Variants in NIT2 observed in about 807,000 individuals in gnomAD.
The protein encoded by NIT2 is nitrilase family member 2.
In NIT2, 46 loss-of-function variants were observed where a neutral mutation model predicts 42.7. The observed-to-expected ratio is 1.08, with a 90% confidence interval of 0.85 to 1.38. NIT2 has a LOEUF of 1.38. Among genes scored for constraint, NIT2 ranks in the 40% most tolerant of loss-of-function variants. The pLI, the probability that NIT2 is intolerant of heterozygous loss-of-function variation, is 0.00. For missense variants in NIT2, 309 were observed against 342.5 expected (o/e 0.90, Z 0.77); for synonymous variants, 123 against 121.9 (o/e 1.01, Z -0.06).
intron 6 of NIT2, among the ~76,000 whole-genome samples, chr3:100,347,239 G>A (rs1706227097): frequency 6.6e-6 from 1 of 151,962 alleles, no homozygotes; most frequent in South Asian, 2.1e-4. Flanking sequence ...GGGATTACAG[G>A]TGCCCACCAC....
intron 6 of NIT2, 123 bp from the exon 7 acceptor site, chr3:100,348,680 C>G (rs763709698): frequency 3.4e-5 from 24 of 700,152 alleles, no homozygotes; most frequent in Non-Finnish European, 5.4e-5. Flanking sequence ...TCTGACTTGG[C>G]TGACATCTTT....
intron 7 of NIT2, chr3:100,349,662 T>C (rs995206685): frequency 2.0e-5 from 3 of 152,302 alleles, no homozygotes; most frequent in African/African-American, 7.2e-5. Flanking sequence ...ATCAGGATGC[T>C]TATCCTACCC....
At chr3:100,349,128 T>C in intron 7 of NIT2, 1 of 356,738 alleles carries the variant, frequency 2.8e-6, no homozygotes, top group Non-Finnish European at 5.3e-6. Flanking sequence ...TTTTTTTTTC[T>C]TTTTAAGAGA....
intron 6 of NIT2, 116 bp from the exon 7 acceptor site, chr3:100,348,687 C>G (rs1278276802): frequency 1.1e-5 from 8 of 754,450 alleles, no homozygotes; most frequent in Non-Finnish European, 1.8e-5. Flanking sequence ...TGGCTGACAT[C>G]TTTTTATGTT....
chr3:100,345,469 C>G (rs942203261), intron 4 of NIT2, 116 bp from the exon 5 acceptor site: 3 of 681,076 alleles, frequency 4.4e-6, no homozygotes, highest in Non-Finnish European at 7.8e-6. Flanking sequence ...TTTGGGGGTG[C>G]TGTTTGTATA....
intron 6 of NIT2, among the ~76,000 whole-genome samples, chr3:100,348,291 A>G (rs1706238251): frequency 6.6e-6 from 1 of 152,164 alleles, no homozygotes. Flanking sequence ...TTCACCAAAT[A>G]CGGGTGTTCC....
At position 100,339,799 on chromosome 3, in the gene NIT2, G is replaced by T. The variant is rs568994200; in HGVS notation, c.127-16G>T. The T allele has an allele frequency of 2.5e-6, 4 of 1,590,656 alleles. No individual in the cohort carries two copies. The highest frequency in any genetic ancestry group is 8.5e-7 in the Non-Finnish European group (1 of 1,170,538). ...GGTGTTTTGATCTTTTTTTTTCTCT[G>T]CCAATATTTTTCTAGGAATGCTTTA... On this transcript the variant is annotated splice_polypyrimidine_tract_variant and intron_variant, in intron 2 of 9. Coordinates refer to ENST00000394140, the MANE Select transcript of NIT2 (RefSeq NM_020202.5).
intron 8 of NIT2, among the ~76,000 whole-genome samples, chr3:100,354,531 A>G (rs1248744371): frequency 6.6e-6 from 1 of 152,252 alleles, no homozygotes; most frequent in Non-Finnish European, 1.5e-5. Context: ...CCATAATTTT[A>G]TCACTAAGCC....
At chr3:100,337,686 T>G (rs1706094292) in intron 1 of NIT2, among the ~76,000 whole-genome samples, 1 of 152,148 alleles carries the variant, frequency 6.6e-6, no homozygotes, top group Non-Finnish European at 1.5e-5. Context: ...ACTCCTGACC[T>G]CAGGTGATCA....
In NIT2 at chr3:100,360,176, A is replaced by G. The variant is rs1042428670; in HGVS notation, c.*4908A>G. 1 of 152,234 alleles carries G rather than the reference A, an allele frequency of 6.6e-6. No homozygotes were observed. Among genetic ancestry groups the G allele is most frequent in the African/African-American group, 2.4e-5 (1 of 41,456 alleles). The allele number at this position is 152,234 out of a possible 1,614,324, so 9.4% of individuals were successfully genotyped here. A position where few individuals can be genotyped will look rare whatever the true frequency, so the allele number is the denominator to read the frequency against. ...TCTCACCAAGTGTTCTGGCCAAATA[A>G]TTCTGGAATGATTTCCTTACCTTAA... is the stretch of plus-strand genomic sequence containing the variant. On this transcript the variant is annotated 3_prime_UTR_variant, in exon 10 of 10. Transcript: ENST00000394140.
intron 4 of NIT2, among the ~76,000 whole-genome samples, chr3:100,342,930 C>T (rs1706171696): frequency 6.6e-6 from 1 of 151,904 alleles, no homozygotes; most frequent in African/African-American, 2.4e-5. Flanking sequence ...GCTAGGAATT[C>T]TGTTAGTTTT....
At chr3:100,338,665 G>A (rs148547960) in intron 1 of NIT2, among the ~76,000 whole-genome samples, 1 of 152,310 alleles carries the variant, frequency 6.6e-6, no homozygotes, top group East Asian at 1.9e-4. Context: ...TGAACAAACA[G>A]TAAGGGACAG....
At chr3:100,347,284 T>C (rs2148883186) in intron 6 of NIT2, among the ~76,000 whole-genome samples, 1 of 152,228 alleles carries the variant, frequency 6.6e-6, no homozygotes, top group East Asian at 1.9e-4. Flanking sequence ...TTAGTAGTTA[T>C]GGGGTTTCAC....
chr3:100,339,181 A>G lies in NIT2; in HGVS notation c.102A>G (p.Gln34=). 1 of 1,613,166 alleles carries G rather than the reference A, an allele frequency of 6.2e-7. No individual in the cohort carries two copies. The highest frequency in any genetic ancestry group is 1.1e-5 in the South Asian group (1 of 91,056). Reference sequence around the variant, plus strand: ...GCTTCATCCGGGAGGCAGCAACGCAAGGAGCCAAAATAGTTTCTTTGCCGG... The same window carrying G: ...GCTTCATCCGGGAGGCAGCAACGCAGGGAGCCAAAATAGTTTCTTTGCCGG... ...ACSFIREAAT[Q]GAKIVSLPEC... The change falls in exon 2 of 10, where the codon CAA becomes CAG. Residue 34 remains glutamine, a synonymous_variant. Coordinates refer to ENST00000394140, the MANE Select transcript of NIT2 (RefSeq NM_020202.5).
At chr3:100,354,565 T>C (rs1706305880) in intron 8 of NIT2, among the ~76,000 whole-genome samples, 1 of 152,212 alleles carries the variant, frequency 6.6e-6, no homozygotes, top group South Asian at 2.1e-4. Flanking sequence ...TATTTCCACT[T>C]TATAGATTAG....
At chr3:100,339,716 GA>G in intron 2 of NIT2, 98 bp from the exon 3 acceptor site, 1 of 1,221,706 alleles carries the variant, frequency 8.2e-7, no homozygotes, top group Non-Finnish European at 1.2e-6. Flanking sequence ...CCCTTCGACT[GA>G]AAGCAGAGCT....
At chr3:100,336,640 T>C (rs916574392) in intron 1 of NIT2, among the ~76,000 whole-genome samples, 4 of 152,220 alleles carry the variant, frequency 2.6e-5, no homozygotes, top group South Asian at 2.1e-4. Context: ...GCTTTAGATA[T>C]GCATACACAT....
chr3:100,345,773 C>A, intron 5 of NIT2, 95 bp downstream of exon 5: 1 of 783,810 alleles, frequency 1.3e-6, no homozygotes, highest in Non-Finnish European at 2.1e-6. Flanking sequence ...CTTCACATAA[C>A]CTAACTGAAA....
intron 1 of NIT2, 40 bp downstream of exon 1, chr3:100,334,838 C>A (rs754902874): frequency 1.6e-6 from 2 of 1,212,128 alleles, no homozygotes; most frequent in South Asian, 7.1e-5. Flanking sequence ...GAGTTCGGGC[C>A]GCGGGGGAGG....
Sources: gnomAD v4.1 joint callset for allele counts (sites outside exome capture counted in the v4.1 genomes callset) on GRCh38, gnomAD v4.1.1 for gene constraint, MANE v1.5 for transcripts, NCBI Gene and HGNC (gene_info 2026-07-23, HGNC 2026-07-21) for gene names.